The following PRMT2 variants were observed in gnomAD, a reference collection of about 807,000 sequenced individuals.
PRMT2 encodes the protein protein arginine N-methyltransferase 2.
A neutral mutation model predicts 57.6 loss-of-function variants in PRMT2; 26 were observed. The observed-to-expected ratio is 0.45, with a 90% confidence interval of 0.33 to 0.63. The LOEUF is 0.63. Ranked by LOEUF, PRMT2 falls within the 20% of genes least tolerant of loss-of-function variation. PRMT2 has a pLI of 0.02. For synonymous variants in PRMT2, 219 were observed against 220.0 expected (o/e 1.00, Z 0.04); for missense variants, 472 against 564.4 (o/e 0.84, Z 1.66).
intron 8 of PRMT2, chr21:46,660,056 T>G: frequency 2.0e-6 from 2 of 982,348 alleles, no homozygotes; most frequent in Non-Finnish European, 2.4e-6. Context: ...GTCCATAGTT[T>G]CCAATTTTTA....
In PRMT2 at chr21:46,648,412, T is replaced by G; in HGVS notation, c.328-46T>G. 1 of 1,600,476 alleles carries G rather than the reference T, an allele frequency of 6.2e-7. No individual in the cohort carries two copies. The highest frequency in any genetic ancestry group is 8.5e-7 in the Non-Finnish European group (1 of 1,170,732). On this transcript the variant is annotated intron_variant, in intron 5 of 11. Coordinates refer to ENST00000355680, the MANE Select transcript of PRMT2 (RefSeq NM_206962.4). The surrounding 1 kb of genome is among the most constrained non-coding windows in gnomAD (Gnocchi z 4.8). ...CTCCATCTCAGTCCAGACCTCAGCA[T>G]GGCTCTAGGTCACAGGCAGTGATTC...
rs1163100338 is a variant in PRMT2 at position 46,664,363 on chromosome 21, C to A, written c.*36C>A. 6.2e-7 allele frequency: 1 copy of A among 1,613,974 alleles called. No individual in the cohort carries two copies. The highest frequency in any genetic ancestry group is 1.1e-5 in the South Asian group (1 of 91,088). The stretch of plus-strand genomic sequence containing the variant: ...TTTATTTGGAAAGCAGTGTGCATAT[C>A]TTGAGGGGTGATGAACACAAGCAAA... On this transcript the variant is annotated 3_prime_UTR_variant, in exon 12 of 12. Transcript: ENST00000355680.
chr21:46,636,166 AC>A (rs1300593398), intron 1 of PRMT2: 2 of 138,736 alleles, frequency 1.4e-5, no homozygotes, highest in Non-Finnish European at 3.1e-5. Context: ...CCCCCTTCTC[AC>A]CCCCCTTCAC....
chr21:46,658,745 T>C lies in PRMT2; in HGVS notation c.655T>C (p.Phe219Leu). ...CTGTGTGTCTTTCACTCCTATGCAG[T>C]TTGAGTTCATGATCGAGTCCATCCT... The part of the protein sequence containing the change: ...VSEWMGTCLL[F>L]EFMIESILYA... Residue 219 changes from phenylalanine (F) to leucine (L), a missense_variant and splice_region_variant, in exon 8 of 12, where the codon TTT (phenylalanine) becomes CTT (leucine). Physicochemically the swap from Phe to Leu is conservative, Grantham distance 22 (BLOSUM62 0). Around this residue, in one of 2 missense-constraint regions of PRMT2, gnomAD observed 243 missense variants for 347.2 expected, o/e 0.70. Transcript: ENST00000355680. The C allele has an allele frequency of 6.2e-7, 1 of 1,613,956 alleles. No individual in the cohort carries two copies. Among genetic ancestry groups the C allele is most frequent in the Admixed American group, 1.7e-5 (1 of 60,010 alleles).
rs774421315 is a variant in PRMT2 at position 46,661,953 on chromosome 21, CGGGCACG to C, written c.1097+21_1097+27del. 5.2e-5 allele frequency: 15 copies of C among 288,418 alleles called. No individual in the cohort carries two copies. Among genetic ancestry groups the C allele is most frequent in the African/African-American group, 3.6e-4 (12 of 33,128 alleles). The allele number at this position is 288,418 out of a possible 1,614,324, so 17.9% of individuals were successfully genotyped here. On this transcript the variant is annotated intron_variant, in intron 10 of 11. Transcript: ENST00000355680. The stretch of plus-strand genomic sequence containing the variant: ...CTTCCACCCGTGAGTGTGCGGGGCG[CGGGCACG>C]GGGTGCGGGGTGGGGGGCAGGGGAG...
intron 7 of PRMT2, among the ~76,000 whole-genome samples, chr21:46,655,601 T>C (rs899971035): frequency 6.6e-6 from 1 of 152,174 alleles, no homozygotes; most frequent in Admixed American, 6.5e-5. Flanking sequence ...AAGGAGTCTA[T>C]GAGAAAATTT....
At chr21:46,644,261 C>A (rs763095256) in intron 4 of PRMT2, 45 bp from the exon 5 acceptor site, 3 of 1,571,488 alleles carry the variant, frequency 1.9e-6, no homozygotes, top group East Asian at 2.3e-5. Context: ...ATTTGAAATA[C>A]CAATGACTGG....
In PRMT2 at chr21:46,658,930, C is replaced by G; in HGVS notation, c.830+10C>G. On this transcript the variant is annotated intron_variant, in intron 8 of 11. Coordinates refer to ENST00000355680, the MANE Select transcript of PRMT2 (RefSeq NM_206962.4). ...ACCTCAGCGCTCTGAAGTAAGTGTCCACAGCTGGGACTGGCACCGTCTTGT... is the reference window on the plus strand; with the variant it reads ...ACCTCAGCGCTCTGAAGTAAGTGTCGACAGCTGGGACTGGCACCGTCTTGT... 2 of 1,609,112 alleles carry G rather than the reference C, an allele frequency of 1.2e-6. No individual in the cohort carries two copies. Among genetic ancestry groups the G allele is most frequent in the Admixed American group, 1.7e-5 (1 of 59,830 alleles).
chr21:46,643,644 C>T lies in PRMT2; in HGVS notation c.144+5C>T, dbSNP rs1894879103. 4.4e-6 allele frequency: 7 copies of T among 1,597,994 alleles called. No individual in the cohort carries two copies. Among genetic ancestry groups the T allele is most frequent in the Non-Finnish European group, 6.0e-6 (7 of 1,175,012 alleles). ...GCTGCCACCGATGAGACCCAGGTAG[C>T]CACACGTGGTGGTTAATGCTTTATG... On this transcript the variant is annotated splice_donor_5th_base_variant and intron_variant, in intron 4 of 11. Coordinates refer to ENST00000355680, the MANE Select transcript of PRMT2 (RefSeq NM_206962.4).
chr21:46,662,205 C>G (rs1213350159), intron 10 of PRMT2, among the ~76,000 whole-genome samples: 1 of 152,178 alleles, frequency 6.6e-6, no homozygotes, highest in African/African-American at 2.4e-5. Context: ...ACGGGAGGAG[C>G]TCCCTGTCTT....
intron 7 of PRMT2, chr21:46,651,913 C>T (rs759372035): frequency 9.9e-6 from 16 of 1,613,238 alleles, no homozygotes; most frequent in Non-Finnish European, 1.3e-5. Context: ...GTGCGTCTGT[C>T]CCTCTTCATG....
intron 11 of PRMT2, 105 bp from the exon 12 acceptor site, chr21:46,664,190 C>A: frequency 1.1e-6 from 1 of 911,532 alleles, no homozygotes; most frequent in Non-Finnish European, 1.7e-6. Context: ...AAAAATTCTG[C>A]ACCTGAATAC....
intron 5 of PRMT2, 28 bp downstream of exon 5, chr21:46,644,516 C>A: frequency 6.4e-7 from 1 of 1,555,584 alleles, no homozygotes; most frequent in Non-Finnish European, 8.7e-7. Context: ...CCCTGTTCAG[C>A]TGGCCAGGCG....
At chr21:46,644,128 C>T (rs2061325711) in intron 4 of PRMT2, among the ~76,000 whole-genome samples, 178 bp from the exon 5 acceptor site, 1 of 152,138 alleles carries the variant, frequency 6.6e-6, no homozygotes, top group African/African-American at 2.4e-5. Flanking sequence ...GGTAGATGTT[C>T]CAGAGGCATC....
intron 7 of PRMT2, among the ~76,000 whole-genome samples, chr21:46,656,390 A>G (rs2061542055): frequency 6.6e-6 from 1 of 152,246 alleles, no homozygotes; most frequent in African/African-American, 2.4e-5. Context: ...TAAGAGAACT[A>G]GAGTAGCTGA....
At chr21:46,643,712 A>C (rs1313468415) in intron 4 of PRMT2, 73 bp downstream of exon 4, 2 of 1,495,378 alleles carry the variant, frequency 1.3e-6, no homozygotes, top group Non-Finnish European at 1.8e-6. Context: ...AATTTTGCAG[A>C]CGTCACACCA....
intron 3 of PRMT2, among the ~76,000 whole-genome samples, chr21:46,642,966 G>T (rs970431737): frequency 6.6e-6 from 1 of 151,488 alleles, no homozygotes; most frequent in African/African-American, 2.4e-5. Context: ...GGCAGAGGTT[G>T]CCCTGAGCCG....
intron 10 of PRMT2, among the ~76,000 whole-genome samples, chr21:46,662,757 T>G (rs184307917): frequency 1.3e-5 from 2 of 152,306 alleles, no homozygotes; most frequent in East Asian, 3.9e-4. Context: ...AGACAGAGCC[T>G]GAGGAACTTA....
chr21:46,645,115 T>C (rs569786492), intron 5 of PRMT2, among the ~76,000 whole-genome samples: 2 of 112,822 alleles, frequency 1.8e-5, no homozygotes, highest in East Asian at 5.8e-4. Context: ...AAAAAAAATA[T>C]AATTAGCTGG....
Sources: allele counts gnomAD v4.1 joint callset (sites outside exome capture counted in the v4.1 genomes callset), GRCh38; gene constraint gnomAD v4.1.1; regional missense constraint gnomAD v4.1.1; non-coding constraint Gnocchi (gnomAD v3.1); transcripts MANE v1.5; gene names NCBI Gene and HGNC (gene_info 2026-07-23, HGNC 2026-07-21).